SLC4A7: variants seen among roughly 807,000 people sequenced by gnomAD.
SLC4A7 encodes the protein solute carrier family 4 member 7.
In SLC4A7, 51 loss-of-function variants were observed where a neutral mutation model predicts 137.6. The ratio of observed to expected loss-of-function variants is 0.37; its 90% CI spans 0.30 to 0.47. SLC4A7 has a LOEUF of 0.47. Among genes scored for constraint, SLC4A7 ranks in the 20% least tolerant of loss-of-function variants. The pLI, the probability that SLC4A7 is intolerant of heterozygous loss-of-function variation, is 1.00. For synonymous variants in SLC4A7, 542 were observed against 518.6 expected (o/e 1.05, Z -0.61); for missense variants, 1,247 against 1,525.4 (o/e 0.82, Z 3.04).
intron 1 of SLC4A7, among the ~76,000 whole-genome samples, chr3:27,481,749 T>C (rs1190547569): frequency 1.3e-5 from 2 of 152,200 alleles, no homozygotes; most frequent in African/African-American, 4.8e-5. Flanking sequence ...TTAGGAGGTT[T>C]ACCCTTCTAA....
intron 22 of SLC4A7, 105 bp from the exon 23 acceptor site, chr3:27,386,128 G>T: frequency 6.6e-6 from 5 of 760,826 alleles, no homozygotes; most frequent in East Asian, 7.4e-5. Context: ...GCTTCATATA[G>T]TTTAAAAATT....
intron 13 of SLC4A7, among the ~76,000 whole-genome samples, chr3:27,406,374 A>T (rs2053356196): frequency 6.6e-6 from 1 of 152,236 alleles, no homozygotes; most frequent in African/African-American, 2.4e-5. Flanking sequence ...AAAAATCACA[A>T]AATGACAGTA....
chr3:27,415,763 G>A (rs941747149), intron 11 of SLC4A7, among the ~76,000 whole-genome samples: 1 of 151,972 alleles, frequency 6.6e-6, no homozygotes, highest in Non-Finnish European at 1.5e-5. Flanking sequence ...CTTTTTCTTG[G>A]TCGTATCAGA....
At chr3:27,435,995 A>C (rs13320982) in intron 5 of SLC4A7, among the ~76,000 whole-genome samples, 5,294 of 152,188 alleles carry the variant, frequency 0.035, 109 homozygotes, top group East Asian at 0.066. Flanking sequence ...ACTTCTCTAG[A>C]CTTTTCTTTA....
chr3:27,389,636 A>C (rs1338436926), intron 22 of SLC4A7, among the ~76,000 whole-genome samples: 1 of 152,164 alleles, frequency 6.6e-6, no homozygotes, highest in East Asian at 1.9e-4. Context: ...TTGCTTTTAC[A>C]TTTGAAAATG....
chr3:27,482,786 A>G (rs946439357), intron 1 of SLC4A7, among the ~76,000 whole-genome samples: 1 of 152,042 alleles, frequency 6.6e-6, no homozygotes, highest in Non-Finnish European at 1.5e-5. Flanking sequence ...TAATAATAAT[A>G]ATAATTACAG....
intron 1 of SLC4A7, among the ~76,000 whole-genome samples, chr3:27,452,854 T>C (rs1193422142): frequency 6.6e-6 from 1 of 152,204 alleles, no homozygotes; most frequent in Non-Finnish European, 1.5e-5. Context: ...CAACATGTAA[T>C]GCTTTCTTTC....
chr3:27,450,303 A>G (rs2057982391), intron 2 of SLC4A7, among the ~76,000 whole-genome samples: 1 of 152,210 alleles, frequency 6.6e-6, no homozygotes, highest in Non-Finnish European at 1.5e-5. Context: ...TTCCAAATGT[A>G]AAAGCTAATT....
intron 8 of SLC4A7, chr3:27,423,574 T>C (rs1209894983): frequency 6.6e-6 from 1 of 152,586 alleles, no homozygotes; most frequent in Non-Finnish European, 1.5e-5. Flanking sequence ...AGCACCAATA[T>C]ATTTCTCAGT....
rs1226653383 is a variant in SLC4A7, at chr3:27,452,471, G to A, written c.88C>T (p.Leu30Phe). Residue 30 changes from leucine to phenylalanine, a missense_variant, in exon 2 of 26, where the codon CTT becomes TTT. Physicochemically the swap from Leu to Phe is conservative, Grantham distance 22. This residue lies in a region of SLC4A7 where 176 missense variants were observed against 186.4 expected (regional missense o/e 0.94). Coordinates refer to ENST00000454389, the MANE Select transcript of SLC4A7 (RefSeq NM_001321103.2). Reference protein sequence around the residue: ...RGPDEEAVVDLGKTSSTVNTK... With the variant: ...RGPDEEAVVDFGKTSSTVNTK... ...TTCACAGTTGAGCTAGTTTTGCCAA[G>A]ATCCACAACAGCTTCTTCATCAGGA... 1 of 1,604,392 alleles carries A rather than the reference G, an allele frequency of 6.2e-7. No homozygotes were observed. Among genetic ancestry groups the A allele is most frequent in the South Asian group, 1.1e-5 (1 of 88,946 alleles).
At chr3:27,468,506 G>A (rs931937855) in intron 1 of SLC4A7, among the ~76,000 whole-genome samples, 2 of 152,114 alleles carry the variant, frequency 1.3e-5, no homozygotes, top group Non-Finnish European at 2.9e-5. Context: ...AGGAGTTAGA[G>A]CTGCACTGTG....
At chr3:27,448,888 A>G in intron 2 of SLC4A7, 91 bp from the exon 3 acceptor site, 2 of 863,004 alleles carry the variant, frequency 2.3e-6, no homozygotes, top group Non-Finnish European at 3.4e-6. Context: ...TCTGATAAAG[A>G]ATATAAGTTC....
chr3:27,380,380 A>G (rs911871387), intron 24 of SLC4A7, among the ~76,000 whole-genome samples: 6 of 152,154 alleles, frequency 3.9e-5, no homozygotes, highest in African/African-American at 1.2e-4. Flanking sequence ...TTCTGTTTCT[A>G]TATTTCTATG....
intron 12 of SLC4A7, among the ~76,000 whole-genome samples, chr3:27,411,154 T>A (rs1192576768): frequency 6.6e-6 from 1 of 152,156 alleles, no homozygotes; most frequent in African/African-American, 2.4e-5. Flanking sequence ...AAACAATTTT[T>A]CTAGCTAGGT....
At chr3:27,450,525 T>C (rs2058002109) in intron 2 of SLC4A7, among the ~76,000 whole-genome samples, 1 of 152,080 alleles carries the variant, frequency 6.6e-6, no homozygotes, top group Non-Finnish European at 1.5e-5. Flanking sequence ...TAAAGAAAAG[T>C]GGAAATTAAA....
chr3:27,454,521 C>T (rs2058288837), intron 1 of SLC4A7, among the ~76,000 whole-genome samples: 1 of 152,134 alleles, frequency 6.6e-6, no homozygotes, highest in African/African-American at 2.4e-5. Flanking sequence ...ATCAAGCCGC[C>T]TTACAGCATT....
rs1032198560 is a variant in SLC4A7, at chr3:27,400,322, A to T, written c.2427+442T>A. Among the ~76,000 whole-genome samples the T allele has an allele frequency of 7.9e-5, 12 of 152,324 alleles. 1 individual carries two copies. Among genetic ancestry groups the T allele is most frequent in the Middle Eastern group, 6.8e-3 (2 of 294 alleles). On this transcript the variant is annotated intron_variant, in intron 16 of 25. Coordinates refer to ENST00000454389, the MANE Select transcript of SLC4A7 (RefSeq NM_001321103.2). ...TGAGTTAGACAAGGTTAACTTAGAC[A>T]TTAGGACATTAACACAGCACTTCAT... is the stretch of plus-strand genomic sequence containing the variant.
At chr3:27,429,616 A>C (rs1224162731) in intron 7 of SLC4A7, among the ~76,000 whole-genome samples, 4 of 152,100 alleles carry the variant, frequency 2.6e-5, no homozygotes, top group African/African-American at 9.7e-5. Flanking sequence ...TTGGGAGGCC[A>C]AGGTGGGTGG....
In SLC4A7 at chr3:27,416,942, TA is replaced by T. The variant is rs1576325899; in HGVS notation, c.1659+1543del. On this transcript the variant is annotated intron_variant, in intron 11 of 25. Coordinates refer to ENST00000454389, the MANE Select transcript of SLC4A7 (RefSeq NM_001321103.2). ...TGAGAAATTTGTCATCACAACTTTT[TA>T]AAAACCATTACGCATATTTCTGAAT... is the stretch of plus-strand genomic sequence containing the variant. Among the ~76,000 whole-genome samples the T allele has an allele frequency of 3.3e-5, 5 of 152,322 alleles. No individual in the cohort carries two copies. The East Asian group carries it at 9.6e-4, about 29-fold the overall frequency.
Sources: gnomAD v4.1 joint callset for allele counts (sites outside exome capture counted in the v4.1 genomes callset) on GRCh38, gnomAD v4.1.1 for gene constraint, gnomAD v4.1.1 regional missense constraint, MANE v1.5 for transcripts, NCBI Gene and HGNC (gene_info 2026-07-23, HGNC 2026-07-21) for gene names.